ADGRB3: variants seen among roughly 807,000 people sequenced by gnomAD.
ADGRB3 encodes the protein adhesion G protein-coupled receptor B3.
A neutral mutation model predicts 193.4 loss-of-function variants in ADGRB3; 37 were observed. The observed-to-expected ratio is 0.19, with a 90% CI of 0.15 to 0.25. The LOEUF (loss-of-function observed/expected upper bound fraction) is 0.25, where lower values mean the gene tolerates loss of function less well. ADGRB3 is among the 10% of genes least tolerant of loss of function. The pLI is 1.00. For synonymous variants in ADGRB3, 690 were observed against 644.2 expected, an observed-to-expected ratio of 1.07 and a Z score of -1.08; for missense variants, 1,637 against 1,852.9, an observed-to-expected ratio of 0.88 and a Z score of 2.14.
At chr6:69,275,783 A>G (rs73469401) in intron 20 of ADGRB3, among the ~76,000 whole-genome samples, 16,608 of 152,156 alleles carry the variant, frequency 0.11, 987 homozygotes, top group Middle Eastern at 0.23. Context: ...TTCACAGTAC[A>G]TGGGAGTATG....
chr6:69,132,059 C>T (rs560670696), intron 17 of ADGRB3, among the ~76,000 whole-genome samples: 83 of 152,260 alleles, frequency 5.5e-4, no homozygotes, highest in African/African-American at 1.9e-3. Context: ...CAAGCCTTTG[C>T]TATTGTGAAC....
intron 17 of ADGRB3, among the ~76,000 whole-genome samples, chr6:69,219,395 T>C (rs1273167584): frequency 2.7e-5 from 4 of 148,320 alleles, no homozygotes; most frequent in African/African-American, 9.8e-5. Flanking sequence ...ACAACCATTC[T>C]TCATAAAACC....
intron 8 of ADGRB3, among the ~76,000 whole-genome samples, chr6:68,972,007 G>T (rs1768586540): frequency 6.6e-6 from 1 of 152,192 alleles, no homozygotes; most frequent in Admixed American, 6.5e-5. Flanking sequence ...GCTCTCCAAA[G>T]GGTGGGGCAC....
Position 68,684,045 on chromosome 6 carries a change from C to T in ADGRB3, c.757+44613C>T, listed in dbSNP as rs146274914. Among the ~76,000 whole-genome samples, 59 of 152,222 alleles carry T rather than the reference C, an allele frequency of 3.9e-4. No individual in the cohort carries two copies. The South Asian group carries it at 6.2e-3, about 16-fold the overall frequency. ...TGACTTGATATGTTATTAAGAAAAA[C>T]TGGAAATATAGATTTTTTATTAATT... On this transcript the variant is annotated intron_variant, in intron 3 of 31. Transcript: ENST00000370598.
At chr6:68,786,864 C>T (rs1766983806) in intron 3 of ADGRB3, among the ~76,000 whole-genome samples, 1 of 151,858 alleles carries the variant, frequency 6.6e-6, no homozygotes, top group Non-Finnish European at 1.5e-5. Context: ...TGAAGAGGTT[C>T]TTCACATCCC....
chr6:68,675,127 G>A (rs2127295596), intron 3 of ADGRB3, among the ~76,000 whole-genome samples: 1 of 152,178 alleles, frequency 6.6e-6, no homozygotes, highest in East Asian at 1.9e-4. Flanking sequence ...GTGTTGTCAG[G>A]AAAAAAGGTA....
At position 69,372,429 on chromosome 6, in the gene ADGRB3, C is replaced by T. The variant is rs775119819; in HGVS notation, c.4263C>T (p.Asp1421=). The T allele has an allele frequency of 2.9e-6, 4 of 1,364,054 alleles. No individual in the cohort carries two copies. Among genetic ancestry groups the T allele is most frequent in the Non-Finnish European group, 4.0e-6 (4 of 996,526 alleles). 84.5% of individuals were successfully genotyped at this position (1,364,054 alleles called of 1,614,324 possible). The change falls in exon 30 of 32, where the codon GAC becomes GAT. Residue 1421 remains aspartate (D), a synonymous_variant. Transcript: ENST00000370598. ...AGAGAAGAAAATCACGATATTCAGA[C>T]CTTGACTTTGAGGTAAGTTTATATG... ...SLERRKSRYS[D]LDFEKVMHTR...
intron 3 of ADGRB3, among the ~76,000 whole-genome samples, chr6:68,784,383 C>T (rs1375678426): frequency 6.6e-6 from 1 of 152,048 alleles, no homozygotes; most frequent in East Asian, 1.9e-4. Flanking sequence ...TGATCTGAGA[C>T]AAATTATCTC....
intron 21 of ADGRB3, among the ~76,000 whole-genome samples, chr6:69,327,612 G>C (rs1300402347): frequency 6.6e-6 from 1 of 152,140 alleles, no homozygotes; most frequent in Non-Finnish European, 1.5e-5. Context: ...AGCAACACCA[G>C]AGAAGTGCAG....
At chr6:69,169,262 T>C (rs1016669972) in intron 17 of ADGRB3, among the ~76,000 whole-genome samples, 1 of 152,070 alleles carries the variant, frequency 6.6e-6, no homozygotes, top group Non-Finnish European at 1.5e-5. Flanking sequence ...AAATGTTGTT[T>C]ATTTTGAAAT....
chr6:69,351,690 A>G lies in ADGRB3; in HGVS notation c.3460-2543A>G, dbSNP rs1769229556. Reference sequence around the variant, plus strand: ...TCCCATTTGGGAGTTTGGTAGTGAAAGGTATTGATTTTATATGTGTGTGTG... The same window carrying G: ...TCCCATTTGGGAGTTTGGTAGTGAAGGGTATTGATTTTATATGTGTGTGTG... On this transcript the variant is annotated intron_variant, in intron 26 of 31. Coordinates refer to ENST00000370598, the MANE Select transcript of ADGRB3 (RefSeq NM_001704.3). Among the ~76,000 whole-genome samples, 2 of 152,208 alleles carry G rather than the reference A, an allele frequency of 1.3e-5. 1 individual carries two copies. Among genetic ancestry groups the G allele is most frequent in the East Asian group, 3.8e-4 (2 of 5,202 alleles).
chr6:68,970,558 G>C (rs1217636768), intron 8 of ADGRB3, among the ~76,000 whole-genome samples: 2 of 152,078 alleles, frequency 1.3e-5, no homozygotes, highest in Admixed American at 6.5e-5. Flanking sequence ...TGCCCGCCTT[G>C]GCCTCCCAAA....
At chr6:68,944,547 T>C (rs540336753) in intron 6 of ADGRB3, among the ~76,000 whole-genome samples, 1 of 152,288 alleles carries the variant, frequency 6.6e-6, no homozygotes, top group South Asian at 2.1e-4. Flanking sequence ...GTATTTATGT[T>C]ATCTTAAATT....
intron 17 of ADGRB3, among the ~76,000 whole-genome samples, chr6:69,131,078 A>C (rs759981111): frequency 1.3e-5 from 2 of 152,136 alleles, no homozygotes; most frequent in Non-Finnish European, 2.9e-5. Context: ...ATGTTGGAAT[A>C]TAGCCATTAA....
At chr6:69,065,996 T>C (rs1299715067) in intron 16 of ADGRB3, among the ~76,000 whole-genome samples, 9 of 152,006 alleles carry the variant, frequency 5.9e-5, no homozygotes, top group Admixed American at 5.9e-4. Flanking sequence ...TTAGAGATGA[T>C]TTCAAGTATA....
chr6:69,358,772 C>T (rs1215850948), intron 28 of ADGRB3, among the ~76,000 whole-genome samples: 3 of 151,812 alleles, frequency 2.0e-5, no homozygotes, highest in Non-Finnish European at 2.9e-5. Context: ...ACTTTAACAT[C>T]ATGTTTTCGT....
intron 26 of ADGRB3, among the ~76,000 whole-genome samples, chr6:69,352,941 G>T (rs1769258382): frequency 6.6e-6 from 1 of 152,138 alleles, no homozygotes; most frequent in Non-Finnish European, 1.5e-5. Flanking sequence ...CATCATCTAT[G>T]ATTTGTTTTT....
intron 29 of ADGRB3, among the ~76,000 whole-genome samples, chr6:69,365,726 A>C (rs565447607): frequency 8.9e-4 from 135 of 152,182 alleles, no homozygotes; most frequent in African/African-American, 3.2e-3. Flanking sequence ...AATGGCCAGA[A>C]AGGACACCAT....
chr6:69,150,829 G>T (rs1013302522), intron 17 of ADGRB3, among the ~76,000 whole-genome samples: 10 of 152,160 alleles, frequency 6.6e-5, no homozygotes, highest in Non-Finnish European at 1.5e-4. Context: ...GATGAATCCT[G>T]TCAGGACTTA....
Sources: allele counts gnomAD v4.1 joint callset (sites outside exome capture counted in the v4.1 genomes callset), GRCh38; gene constraint gnomAD v4.1.1; transcripts MANE v1.5; gene names NCBI Gene and HGNC (gene_info 2026-07-23, HGNC 2026-07-21).